Variants in MTUS2 observed in about 807,000 individuals in gnomAD.
MTUS2 encodes the protein microtubule associated scaffold protein 2.
Under a neutral mutation model 114.1 loss-of-function variants are expected in MTUS2, and 40 were observed. The observed-to-expected ratio is 0.35, with a 90% CI of 0.27 to 0.46. The LOEUF (loss-of-function observed/expected upper bound fraction) is 0.46. Ranked by LOEUF, MTUS2 falls within the 20% of genes least tolerant of loss-of-function variation. The pLI is 1.00. For missense variants in MTUS2, 1,679 were observed against 1,705.4 expected (o/e 0.98, Z 0.27); for synonymous variants, 688 against 672.0 (o/e 1.02, Z -0.37).
chr13:29,194,305 G>A (rs1894577559), intron 5 of MTUS2, among the ~76,000 whole-genome samples: 1 of 152,076 alleles, frequency 6.6e-6, no homozygotes, highest in Non-Finnish European at 1.5e-5. Flanking sequence ...GAGTGAAGAG[G>A]CAACCTACAA....
At chr13:29,099,666 A>T (rs1298760617) in intron 4 of MTUS2, among the ~76,000 whole-genome samples, 1 of 152,216 alleles carries the variant, frequency 6.6e-6, no homozygotes. Flanking sequence ...CTAGCATAAG[A>T]ATGCCACTGA....
At chr13:29,283,633 C>G (rs1898362977) in intron 6 of MTUS2, among the ~76,000 whole-genome samples, 1 of 152,126 alleles carries the variant, frequency 6.6e-6, no homozygotes, top group Admixed American at 6.5e-5. Context: ...GACGCTATCC[C>G]CAGAGTTATT....
intron 2 of MTUS2, among the ~76,000 whole-genome samples, chr13:28,939,918 G>A (rs536050773): frequency 3.3e-5 from 5 of 152,266 alleles, no homozygotes; most frequent in Admixed American, 1.3e-4. Context: ...CATGTCTTAC[G>A]TGGCGGCAGG....
At chr13:29,107,912 A>C (rs1394736156) in intron 5 of MTUS2, among the ~76,000 whole-genome samples, 1 of 152,128 alleles carries the variant, frequency 6.6e-6, no homozygotes, top group Non-Finnish European at 1.5e-5. Flanking sequence ...TGTTCTTTTA[A>C]TTATTGAATA....
At chr13:28,998,273 T>C (rs1885212803) in intron 2 of MTUS2, among the ~76,000 whole-genome samples, 1 of 152,258 alleles carries the variant, frequency 6.6e-6, no homozygotes, top group South Asian at 2.1e-4. Flanking sequence ...GTTAGTCCGA[T>C]GGGCTTCCCT....
intron 1 of MTUS2, among the ~76,000 whole-genome samples, chr13:28,821,339 T>C (rs1175749710): frequency 2.6e-5 from 4 of 152,240 alleles, no homozygotes; most frequent in Non-Finnish European, 4.4e-5. Context: ...AAATTGGTTT[T>C]GTAAAGTCTA....
At chr13:28,859,396 T>C (rs1876833385) in intron 2 of MTUS2, among the ~76,000 whole-genome samples, 1 of 152,180 alleles carries the variant, frequency 6.6e-6, no homozygotes, top group Admixed American at 6.5e-5. Context: ...ATGGACCTCA[T>C]CCTTGCGGTC....
At chr13:29,381,858 T>C (rs1872235052) in intron 8 of MTUS2, among the ~76,000 whole-genome samples, 1 of 152,050 alleles carries the variant, frequency 6.6e-6, no homozygotes, top group Non-Finnish European at 1.5e-5. Context: ...GATCACCTCA[T>C]GAGTAAAGTG....
At chr13:29,396,268 ATAAT>A (rs1873908781) in intron 8 of MTUS2, among the ~76,000 whole-genome samples, 1 of 152,230 alleles carries the variant, frequency 6.6e-6, no homozygotes, top group Non-Finnish European at 1.5e-5. Flanking sequence ...CACTGAACAT[ATAAT>A]TAATATGTAA....
At chr13:29,431,971 A>C (rs953644768) in intron 8 of MTUS2, among the ~76,000 whole-genome samples, 2 of 150,990 alleles carry the variant, frequency 1.3e-5, no homozygotes, top group Non-Finnish European at 2.9e-5. Flanking sequence ...CAGCTTCCCA[A>C]GTAGCTGGGA....
intron 2 of MTUS2, among the ~76,000 whole-genome samples, chr13:28,855,325 A>G (rs1876553945): frequency 6.6e-6 from 1 of 152,070 alleles, no homozygotes; most frequent in African/African-American, 2.4e-5. Context: ...TACATAAGTA[A>G]ACGTGTGCAA....
At chr13:28,835,474 A>C (rs994231613) in intron 1 of MTUS2, among the ~76,000 whole-genome samples, 4 of 152,140 alleles carry the variant, frequency 2.6e-5, no homozygotes, top group Admixed American at 6.5e-5. Context: ...GACAGAATGG[A>C]TTACTGGTTG....
intron 7 of MTUS2, among the ~76,000 whole-genome samples, chr13:29,325,979 A>G (rs1376302269): frequency 1.3e-5 from 2 of 152,220 alleles, no homozygotes; most frequent in Non-Finnish European, 2.9e-5. Context: ...ACTTATTAAA[A>G]TTGCTGATTA....
chr13:29,454,387 T>C (rs1212477073), intron 9 of MTUS2, among the ~76,000 whole-genome samples: 1 of 152,256 alleles, frequency 6.6e-6, no homozygotes, highest in East Asian at 1.9e-4. Context: ...GTGGTCCAGC[T>C]TTTTAAATTT....
At chr13:29,402,652 A>AT (rs1566181625) in intron 8 of MTUS2, among the ~76,000 whole-genome samples, 1 of 152,068 alleles carries the variant, frequency 6.6e-6, no homozygotes, top group African/African-American at 2.4e-5. Context: ...TGCCAGAGCT[A>AT]TTTTGTCTCC....
At chr13:28,976,715 C>T (rs1786371520) in intron 2 of MTUS2, among the ~76,000 whole-genome samples, 1 of 152,034 alleles carries the variant, frequency 6.6e-6, no homozygotes, top group South Asian at 2.1e-4. Flanking sequence ...TCTAAATGGG[C>T]TGTGGTGAGG....
At chr13:28,930,637 T>G (rs1289289584) in intron 2 of MTUS2, among the ~76,000 whole-genome samples, 1 of 152,248 alleles carries the variant, frequency 6.6e-6, no homozygotes, top group Non-Finnish European at 1.5e-5. Flanking sequence ...CTTCAGGCAC[T>G]GATAGGAGGT....
chr13:29,106,159 A>G (rs1381840510), intron 5 of MTUS2, among the ~76,000 whole-genome samples: 2 of 152,174 alleles, frequency 1.3e-5, no homozygotes, highest in Non-Finnish European at 2.9e-5. Context: ...ATGTCCCTCT[A>G]GAACTACTCA....
At chr13:29,051,056 T>G (rs987049478) in intron 4 of MTUS2, among the ~76,000 whole-genome samples, 12 of 152,206 alleles carry the variant, frequency 7.9e-5, no homozygotes, top group African/African-American at 2.9e-4. Flanking sequence ...CTGATTTATG[T>G]TTTTACAAAG....
Sources: gnomAD v4.1 joint callset for allele counts (sites outside exome capture counted in the v4.1 genomes callset) on GRCh38, gnomAD v4.1.1 for gene constraint, MANE v1.5 for transcripts, NCBI Gene and HGNC (gene_info 2026-07-23, HGNC 2026-07-21) for gene names.